The following TLN2 variants were observed in gnomAD, a reference collection of about 807,000 sequenced individuals.
TLN2 encodes the protein talin 2, also known as talin-2.
In TLN2, 118 loss-of-function variants were observed where a neutral mutation model predicts 294.7. The observed-to-expected ratio is 0.40, with a 90% CI of 0.34 to 0.47. The LOEUF (loss-of-function observed/expected upper bound fraction) is 0.47, where lower values mean the gene tolerates loss of function less well. Ranked by LOEUF, TLN2 falls within the 20% of genes least tolerant of loss-of-function variation. TLN2 has a pLI of 0.84. For missense variants in TLN2, 3,083 were observed against 3,282.2 expected (o/e 0.94, Z 1.48); for synonymous variants, 1,431 against 1,304.5 (o/e 1.10, Z -2.09).
At chr15:62,753,254 C>T (rs1044520027) in intron 35 of TLN2, among the ~76,000 whole-genome samples, 1 of 152,158 alleles carries the variant, frequency 6.6e-6, no homozygotes, top group Non-Finnish European at 1.5e-5. Context: ...AAGATCCCTT[C>T]TGCTGTTGAA....
At chr15:62,516,183 A>T (rs1402985751) in intron 1 of TLN2, among the ~76,000 whole-genome samples, 5 of 152,228 alleles carry the variant, frequency 3.3e-5, no homozygotes, top group Non-Finnish European at 7.3e-5. Flanking sequence ...GTTGCAGCTT[A>T]TATGAAATTA....
At chr15:62,722,261 T>C in intron 25 of TLN2, 92 bp from the exon 26 acceptor site, 1 of 1,385,218 alleles carries the variant, frequency 7.2e-7, no homozygotes, top group Non-Finnish European at 9.7e-7. Context: ...CAAAATCAGT[T>C]CTTACTGCTG....
In TLN2 at chr15:62,760,866, G is replaced by T. The variant is rs2062619356; in HGVS notation, c.4639-815G>T. Among the ~76,000 whole-genome samples, 4 of 152,128 alleles carry T rather than the reference G, an allele frequency of 2.6e-5. No homozygotes were observed. The South Asian group carries it at 8.3e-4, about 32-fold the overall frequency. ...GAAAACACGTTATGTTTAGAGTTCA[G>T]TGAATTTTCTCAAGTGGAACACCCC... On this transcript the variant is annotated intron_variant, in intron 37 of 58. Coordinates refer to ENST00000636159, the MANE Select transcript of TLN2 (RefSeq NM_015059.3).
intron 2 of TLN2, among the ~76,000 whole-genome samples, chr15:62,613,440 G>C (rs548731865): frequency 1.3e-5 from 2 of 152,174 alleles, no homozygotes; most frequent in South Asian, 2.1e-4. Flanking sequence ...CATAGAGCTC[G>C]TGTGGAGTAA....
chr15:62,777,406 C>T lies in TLN2; in HGVS notation c.5514+496C>T, dbSNP rs146358136. On this transcript the variant is annotated intron_variant, in intron 43 of 58. Transcript: ENST00000636159. Reference sequence around the variant, plus strand: ...ACAAAATTAGCCGGGCATGGTTGCGCATGCCCATAATCCCAGCTACTCAGG... The same window carrying T: ...ACAAAATTAGCCGGGCATGGTTGCGTATGCCCATAATCCCAGCTACTCAGG... 1.2e-3 allele frequency among the ~76,000 whole-genome samples: 176 copies of T among 152,084 alleles called. 1 individual carries two copies. Among genetic ancestry groups the T allele is most frequent in the African/African-American group, 4.1e-3 (172 of 41,500 alleles).
At chr15:62,676,232 C>T (rs578067322) in intron 11 of TLN2, among the ~76,000 whole-genome samples, 215 of 152,284 alleles carry the variant, frequency 1.4e-3, no homozygotes, top group Non-Finnish European at 2.2e-3. Flanking sequence ...CACTCCTCAT[C>T]GGAGCAAGCT....
intron 54 of TLN2, among the ~76,000 whole-genome samples, chr15:62,825,817 A>ATAAT (rs1491542725): frequency 1.3e-4 from 3 of 22,252 alleles, no homozygotes; most frequent in African/African-American, 6.1e-4. Context: ...ATTATATTAT[A>ATAAT]ATATATATTA....
chr15:62,391,563 G>A (rs991129360), intron 1 of TLN2, among the ~76,000 whole-genome samples: 13 of 152,240 alleles, frequency 8.5e-5, no homozygotes, highest in African/African-American at 3.1e-4. Flanking sequence ...GAGGGGAGGG[G>A]GCGAGCAGTT....
intron 22 of TLN2, among the ~76,000 whole-genome samples, chr15:62,713,281 A>AAC (rs1555484921): frequency 6.6e-6 from 1 of 150,872 alleles, no homozygotes; most frequent in Admixed American, 6.6e-5. Context: ...CAAAAAAAAA[A>AAC]AAAAAAAACA....
At chr15:62,711,304 G>T (rs2059417567) in intron 21 of TLN2, among the ~76,000 whole-genome samples, 1 of 152,142 alleles carries the variant, frequency 6.6e-6, no homozygotes, top group African/African-American at 2.4e-5. Flanking sequence ...AATAATGCAA[G>T]ATCAAAATCA....
chr15:62,498,293 A>G (rs1299294734), intron 1 of TLN2, among the ~76,000 whole-genome samples: 1 of 152,028 alleles, frequency 6.6e-6, no homozygotes, highest in African/African-American at 2.4e-5. Flanking sequence ...GTATCTCTTC[A>G]TGATTCTGAA....
intron 1 of TLN2, among the ~76,000 whole-genome samples, chr15:62,417,993 A>G (rs911703689): frequency 1.3e-5 from 2 of 152,188 alleles, no homozygotes; most frequent in African/African-American, 4.8e-5. Context: ...GAGAGGACAC[A>G]TGTTGCTTTT....
chr15:62,807,203 T>G (rs1346043805), intron 51 of TLN2, among the ~76,000 whole-genome samples: 1 of 152,124 alleles, frequency 6.6e-6, no homozygotes, highest in African/African-American at 2.4e-5. Flanking sequence ...CCATAAGAGA[T>G]AACTGCCAAA....
At chr15:62,804,997 C>G (rs538496129) in intron 50 of TLN2, among the ~76,000 whole-genome samples, 76 of 152,290 alleles carry the variant, frequency 5.0e-4, no homozygotes, top group African/African-American at 1.8e-3. Flanking sequence ...TTCAGCCTCT[C>G]TAAAGGGGGT....
intron 1 of TLN2, among the ~76,000 whole-genome samples, chr15:62,548,198 A>G (rs1239159185): frequency 6.6e-6 from 1 of 152,224 alleles, no homozygotes; most frequent in Non-Finnish European, 1.5e-5. Context: ...AAGACCAGAC[A>G]GGATTTGAAA....
At position 62,781,213 on chromosome 15, in the gene TLN2, A is replaced by C; in HGVS notation, c.5588A>C (p.Lys1863Thr). 1 of 1,614,112 alleles carries C rather than the reference A, an allele frequency of 6.2e-7. No homozygotes were observed. Among genetic ancestry groups the C allele is most frequent in the Non-Finnish European group, 8.5e-7 (1 of 1,179,998 alleles). Residue 1863 changes from lysine (K) to threonine (T), a missense_variant, in exon 44 of 59, where the codon AAA (lysine) becomes ACA (threonine). Transcript: ENST00000636159. Reference protein sequence around the residue: ...DYQTTVVKYSKAIAVTAQEMM... With the variant: ...DYQTTVVKYSTAIAVTAQEMM... ...CAGACGACTGTGGTTAAATACTCCA[A>C]AGCCATTGCGGTGACAGCTCAGGAA...
At chr15:62,729,261 A>G (rs1221058158) in intron 28 of TLN2, among the ~76,000 whole-genome samples, 1 of 152,206 alleles carries the variant, frequency 6.6e-6, no homozygotes, top group East Asian at 1.9e-4. Flanking sequence ...CTAAGTCTTA[A>G]TGTTTGGTAA....
intron 43 of TLN2, 115 bp from the exon 44 acceptor site, chr15:62,781,025 G>T: frequency 1.4e-6 from 1 of 736,782 alleles, no homozygotes; most frequent in South Asian, 1.8e-5. Context: ...GTTGACACTG[G>T]GCGAAAGAAT....
chr15:62,680,234 C>T (rs533826919), intron 11 of TLN2, among the ~76,000 whole-genome samples: 2 of 152,234 alleles, frequency 1.3e-5, no homozygotes, highest in South Asian at 4.1e-4. Flanking sequence ...ATAGTAATTG[C>T]ATGAAATTTA....
Sources: allele counts gnomAD v4.1 joint callset (sites outside exome capture counted in the v4.1 genomes callset), GRCh38; gene constraint gnomAD v4.1.1; transcripts MANE v1.5; gene names NCBI Gene and HGNC (gene_info 2026-07-23, HGNC 2026-07-21).